TEAD3: variants seen among roughly 807,000 people sequenced by gnomAD.
TEAD3 encodes the protein TEA domain transcription factor 3.
TEAD3 carries 15 observed loss-of-function variants against 55.6 expected under a neutral mutation model. That is an observed-to-expected ratio of 0.27 (90% CI 0.18 to 0.42). The LOEUF is 0.42. Ranked by LOEUF, TEAD3 falls within the 10% of genes least tolerant of loss-of-function variation. The probability of loss-of-function intolerance (pLI) is 1.00; values close to 1 mark genes in which losing one functional copy is unlikely to be tolerated. For missense variants in TEAD3, 407 were observed against 576.8 expected (o/e 0.71, Z 3.01); for synonymous variants, 210 against 232.2 (o/e 0.90, Z 0.87).
rs1446040327 is a variant in TEAD3, at chr6:35,491,213, G to A, written c.-49-4502C>T. Among the ~76,000 whole-genome samples the A allele has an allele frequency of 6.6e-6, 1 of 151,860 alleles. No individual in the cohort carries two copies. The highest frequency in any genetic ancestry group is 1.5e-5 in the Non-Finnish European group (1 of 67,960). On this transcript the variant is annotated intron_variant, in intron 1 of 12. Coordinates refer to ENST00000639578, the Ensembl canonical transcript of TEAD3. The surrounding 1 kb of genome is among the most constrained non-coding windows in gnomAD (Gnocchi z 4.4). ...ACCCCAGGAGAGATGTGGAGGCAGG[G>A]CGGGGGAGTGCTGGACCCTCAGACC...
chr6:35,478,427 C>A lies in TEAD3; in HGVS notation c.480+7G>T, dbSNP rs1489898297. Reference sequence around the variant, plus strand: ...CCACACCAGCCCACCTCCTGGGACCCATGTACCCGCGAGGAAGTGGAGAAG... The same window carrying A: ...CCACACCAGCCCACCTCCTGGGACCAATGTACCCGCGAGGAAGTGGAGAAG... On this transcript the variant is annotated splice_region_variant and intron_variant, in intron 6 of 12. Transcript: ENST00000639578. 6 of 1,613,678 alleles carry A rather than the reference C, an allele frequency of 3.7e-6. No homozygotes were observed. The highest frequency in any genetic ancestry group is 4.2e-6 in the Non-Finnish European group (5 of 1,179,824).
rs1768322126 is a variant in TEAD3 at position 35,484,265 on chromosome 6, G to A, written c.267+295C>T. On this transcript the variant is annotated intron_variant, in intron 3 of 12. Coordinates refer to ENST00000639578, the Ensembl canonical transcript of TEAD3. The surrounding 1 kb of genome is among the most constrained non-coding windows in gnomAD (Gnocchi z 5.8). Reference sequence around the variant, plus strand: ...GGGCAGGGACCATGTAGCAGCCACAGCAGCCCCGTGGGCTTATCTGTGGTC... The same window carrying A: ...GGGCAGGGACCATGTAGCAGCCACAACAGCCCCGTGGGCTTATCTGTGGTC... 1.3e-5 allele frequency among the ~76,000 whole-genome samples: 2 copies of A among 152,226 alleles called. No homozygotes were observed. The highest frequency in any genetic ancestry group is 4.8e-5 in the African/African-American group (2 of 41,460).
intron 1 of TEAD3, among the ~76,000 whole-genome samples, chr6:35,489,846 C>T (rs1768470757): frequency 6.6e-6 from 1 of 151,958 alleles, no homozygotes; most frequent in African/African-American, 2.4e-5. Context: ...CCAGCCTGGA[C>T]AACATAGTGA....
At chr6:35,481,997 T>G (rs1768275944) in intron 3 of TEAD3, among the ~76,000 whole-genome samples, 1 of 152,246 alleles carries the variant, frequency 6.6e-6, no homozygotes, top group Non-Finnish European at 1.5e-5. Flanking sequence ...AATTTTTTCT[T>G]TTTTTGAGAT....
Position 35,485,972 on chromosome 6 carries a change from G to A in TEAD3, c.202+489C>T, listed in dbSNP as rs1422819798. ...CAAAGAGGAGGGCCAACAAACCCAA[G>A]GAGTGGGGAAGGGGACTGAGGAGGG... is the stretch of plus-strand genomic sequence containing the variant. On this transcript the variant is annotated intron_variant, in intron 2 of 12. Transcript: ENST00000639578. The surrounding 1 kb of genome is among the most constrained non-coding windows in gnomAD (Gnocchi z 4.3). Among the ~76,000 whole-genome samples, 3 of 152,234 alleles carry A rather than the reference G, an allele frequency of 2.0e-5. No individual in the cohort carries two copies. Among genetic ancestry groups the A allele is most frequent in the Non-Finnish European group, 4.4e-5 (3 of 68,032 alleles).
Position 35,491,738 on chromosome 6 carries a change from G to T in TEAD3, c.-49-5027C>A, listed in dbSNP as rs935827386. ...GGCCCTCAGCCTTTCAGGCTCAGAA[G>T]GCCTCTGGGTGGAGGCAGGGATGGG... On this transcript the variant is annotated intron_variant, in intron 1 of 12. Coordinates refer to ENST00000639578, the Ensembl canonical transcript of TEAD3. The surrounding 1 kb of genome is among the most constrained non-coding windows in gnomAD (Gnocchi z 4.4). Among the ~76,000 whole-genome samples the T allele has an allele frequency of 6.6e-6, 1 of 152,208 alleles. No homozygotes were observed. The highest frequency in any genetic ancestry group is 1.5e-5 in the Non-Finnish European group (1 of 68,030).
rs533189459 is a variant in TEAD3 at position 35,488,264 on chromosome 6, C to T, written c.-49-1553G>A. Among the ~76,000 whole-genome samples the T allele has an allele frequency of 1.2e-4, 19 of 152,248 alleles. No individual in the cohort carries two copies. The South Asian group carries it at 3.3e-3, about 27-fold the overall frequency. ...CACAGCAGCCCGTAAACCACCAACA[C>T]GCCCGCCCCCGCCCTGGCCCATCCT... On this transcript the variant is annotated intron_variant, in intron 1 of 12. Coordinates refer to ENST00000639578, the Ensembl canonical transcript of TEAD3. The surrounding 1 kb of genome is among the most constrained non-coding windows in gnomAD (Gnocchi z 4.2).
At chr6:35,478,539 G>A (rs970172070) in exon 6 of TEAD3, 1 of 1,600,850 alleles carries the variant, frequency 6.2e-7, no homozygotes, top group Non-Finnish European at 8.5e-7. Flanking sequence ...TGGACGCCAT[G>A]CTCTGAAGGG....
intron 1 of TEAD3, among the ~76,000 whole-genome samples, chr6:35,494,487 C>T (rs763869156): frequency 6.6e-6 from 1 of 152,160 alleles, no homozygotes; most frequent in Non-Finnish European, 1.5e-5. Flanking sequence ...GGCAAGGCCC[C>T]AGGGACAGTG....
In TEAD3 at chr6:35,485,967, C is replaced by T. The variant is rs1478913603; in HGVS notation, c.202+494G>A. 6.6e-6 allele frequency among the ~76,000 whole-genome samples: 1 copy of T among 152,202 alleles called. No individual in the cohort carries two copies. The highest frequency in any genetic ancestry group is 1.5e-5 in the Non-Finnish European group (1 of 68,026). ...GATGGCAAAGAGGAGGGCCAACAAACCCAAGGAGTGGGGAAGGGGACTGAG... is the reference window on the plus strand; with the variant it reads ...GATGGCAAAGAGGAGGGCCAACAAATCCAAGGAGTGGGGAAGGGGACTGAG... On this transcript the variant is annotated intron_variant, in intron 2 of 12. Transcript: ENST00000639578. The surrounding 1 kb of genome is among the most constrained non-coding windows in gnomAD (Gnocchi z 4.3).
intron 1 of TEAD3, among the ~76,000 whole-genome samples, chr6:35,494,903 G>A (rs1768609151): frequency 6.8e-6 from 1 of 147,348 alleles, no homozygotes; most frequent in Non-Finnish European, 1.5e-5. Flanking sequence ...CTGTTCATCT[G>A]GCTGAGCTAC....
chr6:35,475,277 C>G lies in TEAD3; in HGVS notation c.1194+59G>C. The G allele has an allele frequency of 6.2e-7, 1 of 1,606,830 alleles. No homozygotes were observed. Among genetic ancestry groups the G allele is most frequent in the South Asian group, 1.1e-5 (1 of 90,182 alleles). The stretch of plus-strand genomic sequence containing the variant: ...CCTCTCAGCCAAGCGATGTGTCTGG[C>G]TACCCAACTTGGAGGCCCTGGCCTG... On this transcript the variant is annotated intron_variant, in intron 12 of 12. Transcript: ENST00000639578. The surrounding 1 kb of genome is among the most constrained non-coding windows in gnomAD (Gnocchi z 5.4).
At chr6:35,476,342 T>A (rs1294864266) in exon 9 of TEAD3, 1 of 1,612,462 alleles carries the variant, frequency 6.2e-7, no homozygotes, top group South Asian at 1.1e-5. Flanking sequence ...GGCTGAATAC[T>A]CCAGGAGCCG....
At position 35,475,274 on chromosome 6, in the gene TEAD3, TG is replaced by T; in HGVS notation, c.1194+61del. ...ATGCCTCTCAGCCAAGCGATGTGTC[TG>T]GCTACCCAACTTGGAGGCCCTGGCC... On this transcript the variant is annotated intron_variant, in intron 12 of 12. Coordinates refer to ENST00000639578, the Ensembl canonical transcript of TEAD3. The surrounding 1 kb of genome is among the most constrained non-coding windows in gnomAD (Gnocchi z 5.4). 6.2e-7 allele frequency: 1 copy of T among 1,606,992 alleles called. No individual in the cohort carries two copies. Among genetic ancestry groups the T allele is most frequent in the Non-Finnish European group, 8.5e-7 (1 of 1,175,632 alleles).
downstream of TEAD3, chr6:35,474,010 G>A (rs1321150171): frequency 6.6e-6 from 1 of 152,380 alleles, no homozygotes; most frequent in East Asian, 1.9e-4. Context: ...ACTCTAGGCA[G>A]GTAGATTGAG....
intron 7 of TEAD3, among the ~76,000 whole-genome samples, chr6:35,477,814 A>T (rs544046005): frequency 6.6e-6 from 1 of 152,138 alleles, no homozygotes; most frequent in South Asian, 2.1e-4. Flanking sequence ...CCAGCGCATC[A>T]GCTGTCCTGT....
chr6:35,486,779 G>T lies in TEAD3; in HGVS notation c.-49-68C>A. 8.6e-7 allele frequency: 1 copy of T among 1,166,586 alleles called. No homozygotes were observed. The highest frequency in any genetic ancestry group is 1.2e-6 in the Non-Finnish European group (1 of 834,744). The allele number at this position is 1,166,586 out of a possible 1,614,324, so 72.3% of individuals were successfully genotyped here. ...GACCACAGCAATCTCCTATCCCACAGCCGCTGGCTCTGGAGCTCCGCCCCC... is the reference window on the plus strand; with the variant it reads ...GACCACAGCAATCTCCTATCCCACATCCGCTGGCTCTGGAGCTCCGCCCCC... On this transcript the variant is annotated intron_variant, in intron 1 of 12. Coordinates refer to ENST00000639578, the Ensembl canonical transcript of TEAD3. The surrounding 1 kb of genome is among the most constrained non-coding windows in gnomAD (Gnocchi z 7.3).
chr6:35,477,156 A>G (rs566193772), intron 8 of TEAD3, among the ~76,000 whole-genome samples, 155 bp downstream of exon 8: 1 of 152,168 alleles, frequency 6.6e-6, no homozygotes, highest in Non-Finnish European at 1.5e-5. Flanking sequence ...TGGAAGCAAC[A>G]TTGTACAAGG....
chr6:35,478,674 G>T, intron 5 of TEAD3, 103 bp from the exon 6 acceptor site: 1 of 1,409,594 alleles, frequency 7.1e-7, no homozygotes, highest in Non-Finnish European at 9.4e-7. Context: ...CACTAGGATG[G>T]CAGGTGTTCC....
Sources: gnomAD v4.1 joint callset for allele counts (sites outside exome capture counted in the v4.1 genomes callset) on GRCh38, gnomAD v4.1.1 for gene constraint, Gnocchi (gnomAD v3.1) non-coding constraint, MANE v1.5 for transcripts, NCBI Gene and HGNC (gene_info 2026-07-23, HGNC 2026-07-21) for gene names.